The following ZNF676 variants were observed in gnomAD, a reference collection of about 807,000 sequenced individuals.
The protein encoded by ZNF676 is zinc finger protein 676.
In ZNF676, 4 loss-of-function variants were observed where a neutral mutation model predicts 6.0. That is an observed-to-expected ratio of 0.67 (90% CI 0.33 to 1.53). The LOEUF (loss-of-function observed/expected upper bound fraction) is 1.53, where lower values mean the gene tolerates loss of function less well. Among genes scored for constraint, ZNF676 ranks in the 40% most tolerant of loss-of-function variants. The probability of loss-of-function intolerance (pLI) is 0.06; values close to 1 mark genes in which losing one functional copy is unlikely to be tolerated. For missense variants in ZNF676, 644 were observed against 679.7 expected (o/e 0.95, Z 0.58); for synonymous variants, 198 against 223.1 (o/e 0.89, Z 1.00).
At chr19:22,232,064 G>A in the ZNF676 span, among the ~76,000 whole-genome samples, 2 of 152,164 alleles carry the variant, frequency 1.3e-5, no homozygotes, top group Non-Finnish European at 2.9e-5. Context: ...GCAAGTGTGT[G>A]TATGTGTATC....
the ZNF676 span, among the ~76,000 whole-genome samples, chr19:22,221,482 T>A: frequency 3.9e-4 from 59 of 152,324 alleles, no homozygotes; most frequent in South Asian, 7.5e-3. Flanking sequence ...CTGGGCATGG[T>A]GGCTCATGCT....
chr19:22,218,892 G>A (rs577431735), upstream of ZNF676, among the ~76,000 whole-genome samples: 2 of 151,950 alleles, frequency 1.3e-5, no homozygotes, highest in South Asian at 2.1e-4. Flanking sequence ...GTCAGATAAC[G>A]TGATGTCTTC....
At chr19:22,201,894 C>G (rs1449894481), upstream of ZNF676, among the ~76,000 whole-genome samples, 3 of 152,052 alleles carry the variant, frequency 2.0e-5, no homozygotes, top group African/African-American at 7.3e-5. Context: ...AATTATTGGT[C>G]TAATTTAAAG....
intron 1 of ZNF676, among the ~76,000 whole-genome samples, chr19:22,204,715 T>C (rs2024059615): frequency 6.6e-6 from 1 of 152,208 alleles, no homozygotes; most frequent in Admixed American, 6.5e-5. Context: ...TATTAGGCTC[T>C]TGAAATAAAT....
the ZNF676 span, among the ~76,000 whole-genome samples, chr19:22,238,670 A>T: frequency 6.6e-6 from 1 of 152,188 alleles, no homozygotes; most frequent in South Asian, 2.1e-4. Context: ...ATATACATAT[A>T]TGTTAATTAA....
Position 22,196,789 on chromosome 19 carries a change from C to T in ZNF676, c.-156G>A. Reference sequence around the variant, plus strand: ...GTCATGGGCAGAACTTTTAATGTGACTCAAGGTAAAATGGAGAGAGTAGAG... The same window carrying T: ...GTCATGGGCAGAACTTTTAATGTGATTCAAGGTAAAATGGAGAGAGTAGAG... On this transcript the variant is annotated 5_prime_UTR_variant, in exon 1 of 3. Coordinates refer to ENST00000397121, the MANE Select transcript of ZNF676 (RefSeq NM_001001411.3). The T allele has an allele frequency of 3.6e-6, 5 of 1,395,920 alleles. No homozygotes were observed. Among genetic ancestry groups the T allele is most frequent in the East Asian group, 4.6e-5 (2 of 43,830 alleles). 86.5% of individuals were successfully genotyped at this position (1,395,920 alleles called of 1,614,324 possible).
the ZNF676 span, among the ~76,000 whole-genome samples, chr19:22,222,742 C>G: frequency 6.6e-6 from 1 of 152,170 alleles, no homozygotes; most frequent in Non-Finnish European, 1.5e-5. Flanking sequence ...CGCAGCAAAG[C>G]AGCTGCGTCT....
chr19:22,184,054 AGAG>A (rs2023797457), intron 2 of ZNF676, among the ~76,000 whole-genome samples: 1 of 152,192 alleles, frequency 6.6e-6, no homozygotes, highest in South Asian at 2.1e-4. Context: ...AAATGAAAAT[AGAG>A]GAGGCTGGCA....
At chr19:22,208,123 T>G (rs2024094642) in intron 1 of ZNF676, among the ~76,000 whole-genome samples, 1 of 151,936 alleles carries the variant, frequency 6.6e-6, no homozygotes, top group East Asian at 1.9e-4. Flanking sequence ...ATGATCTTTT[T>G]TCACAGCAAA....
chr19:22,184,826 G>GAA lies in ZNF676; in HGVS notation c.131-3242_131-3241dup, dbSNP rs144833243. On this transcript the variant is annotated intron_variant, in intron 2 of 2. Transcript: ENST00000397121. ...CCTCCTCTTTGGGCAGGGCATCTTTGAAAAAAAAAAAAAAAAAAAAAAAAA... is the reference window on the plus strand; with the variant it reads ...CCTCCTCTTTGGGCAGGGCATCTTTGAAAAAAAAAAAAAAAAAAAAAAAAAAA... Among the ~76,000 whole-genome samples the GAA allele has an allele frequency of 5.3e-3, 278 of 52,676 alleles. 17 individuals carry two copies. The highest frequency in any genetic ancestry group is 0.022 in the South Asian group (21 of 962). 34.6% of individuals were successfully genotyped at this position (52,676 alleles called of 152,430 possible). A position where few individuals can be genotyped will look rare whatever the true frequency, so the allele number is the denominator to read the frequency against.
At chr19:22,200,986 G>A (rs2024020156), upstream of ZNF676, among the ~76,000 whole-genome samples, 1 of 152,080 alleles carries the variant, frequency 6.6e-6, no homozygotes, top group African/African-American at 2.4e-5. Flanking sequence ...GAGATTCGTA[G>A]GTGATTGTGA....
At chr19:22,182,907 TA>T (rs2023780637) in intron 2 of ZNF676, among the ~76,000 whole-genome samples, 2 of 152,092 alleles carry the variant, frequency 1.3e-5, no homozygotes, top group Admixed American at 6.6e-5. Flanking sequence ...AATTATTCTC[TA>T]ACATTTGAGA....
chr19:22,217,357 C>T (rs2024203035), upstream of ZNF676, among the ~76,000 whole-genome samples: 1 of 152,178 alleles, frequency 6.6e-6, no homozygotes, highest in Non-Finnish European at 1.5e-5. Context: ...GCATGTGCCA[C>T]CATGCCTGGC....
At chr19:22,215,549 G>A (rs1224279724) in intron 1 of ZNF676, 15 of 1,511,374 alleles carry the variant, frequency 9.9e-6, no homozygotes, top group Non-Finnish European at 1.4e-5. Context: ...CTGCGGGTAG[G>A]CTTGAGTCCC....
intron 1 of ZNF676, among the ~76,000 whole-genome samples, chr19:22,213,372 A>T (rs2024149951): frequency 6.6e-6 from 1 of 152,136 alleles, no homozygotes; most frequent in Non-Finnish European, 1.5e-5. Context: ...CAATACCGGC[A>T]TCTGATTGTC....
chr19:22,214,312 T>C (rs1006890160), intron 1 of ZNF676, among the ~76,000 whole-genome samples: 1 of 152,152 alleles, frequency 6.6e-6, no homozygotes, highest in Non-Finnish European at 1.5e-5. Context: ...TCCTAATTTC[T>C]ACTTTTAAAA....
upstream of ZNF676, among the ~76,000 whole-genome samples, chr19:22,197,395 T>A (rs758236659): frequency 2.0e-5 from 3 of 151,720 alleles, no homozygotes; most frequent in Non-Finnish European, 2.9e-5. Flanking sequence ...TCAGATGGAA[T>A]AGACATGTTG....
intron 1 of ZNF676, chr19:22,203,006 C>T (rs1260387863): frequency 6.6e-6 from 1 of 152,264 alleles, no homozygotes; most frequent in Non-Finnish European, 1.5e-5. Flanking sequence ...CTCTTGGTGG[C>T]TAGTGTACTC....
the ZNF676 span, among the ~76,000 whole-genome samples, chr19:22,228,210 C>T: frequency 6.6e-6 from 1 of 152,284 alleles, no homozygotes; most frequent in South Asian, 2.1e-4. Flanking sequence ...ATACACAAAT[C>T]AATAAACGTA....
Sources: allele counts gnomAD v4.1 joint callset (sites outside exome capture counted in the v4.1 genomes callset), GRCh38; gene constraint gnomAD v4.1.1; transcripts MANE v1.5; gene names NCBI Gene and HGNC (gene_info 2026-07-23, HGNC 2026-07-21).